Variants in GLIS3 observed in about 807,000 individuals in gnomAD.
The protein encoded by GLIS3 is GLIS family zinc finger 3.
A neutral mutation model predicts 78.6 loss-of-function variants in GLIS3; 53 were observed. The observed-to-expected ratio is 0.67, with a 90% confidence interval of 0.54 to 0.85. The LOEUF (loss-of-function observed/expected upper bound fraction) is 0.85, where lower values mean the gene tolerates loss of function less well. Among genes scored for constraint, GLIS3 ranks in the 40% least tolerant of loss-of-function variants. The probability of loss-of-function intolerance (pLI) is 0.00; values close to 1 mark genes in which losing one functional copy is unlikely to be tolerated. For synonymous variants in GLIS3, 684 were observed against 509.9 expected (o/e 1.34, Z -4.60); for missense variants, 1,703 against 1,231.1 (o/e 1.38, Z -5.74).
At chr9:4,416,812 GTTTTTT>G in the GLIS3 span, among the ~76,000 whole-genome samples, 1 of 95,822 alleles carries the variant, frequency 1.0e-5, no homozygotes, top group Non-Finnish European at 2.0e-5. Context: ...CCCATAGTCA[GTTTTTT>G]TTTTTTTTTT....
At chr9:4,437,912 C>T in the GLIS3 span, among the ~76,000 whole-genome samples, 3 of 152,120 alleles carry the variant, frequency 2.0e-5, no homozygotes, top group Non-Finnish European at 4.4e-5. Flanking sequence ...ATACATATAG[C>T]ATAGAAAATA....
the GLIS3 span, among the ~76,000 whole-genome samples, chr9:4,404,079 T>C: frequency 6.6e-6 from 1 of 152,098 alleles, no homozygotes; most frequent in Non-Finnish European, 1.5e-5. Flanking sequence ...GTAGCTATAC[T>C]TATGAGAAAA....
At chr9:4,298,664 A>T (rs1587361067) in intron 1 of GLIS3, among the ~76,000 whole-genome samples, 1 of 152,112 alleles carries the variant, frequency 6.6e-6, no homozygotes, top group Non-Finnish European at 1.5e-5. Flanking sequence ...CAGTGCTGAC[A>T]TTTTGTCGGG....
At chr9:4,321,236 C>G (rs1248967423) in intron 2 of GLIS3, among the ~76,000 whole-genome samples, 4 of 140,782 alleles carry the variant, frequency 2.8e-5, no homozygotes, top group Non-Finnish European at 1.5e-5. Flanking sequence ...CTGGCTAACA[C>G]GGTGAAACCC....
At chr9:4,246,677 C>T (rs976744618) in intron 2 of GLIS3, among the ~76,000 whole-genome samples, 5 of 152,126 alleles carry the variant, frequency 3.3e-5, no homozygotes, top group African/African-American at 9.7e-5. Flanking sequence ...TGAAATGGTG[C>T]TAAAGTTATA....
At chr9:3,905,148 C>CTTTT (rs35197736) in intron 6 of GLIS3, among the ~76,000 whole-genome samples, 1 of 136,206 alleles carries the variant, frequency 7.3e-6, no homozygotes, top group Non-Finnish European at 1.5e-5. Flanking sequence ...AAATTTTTTT[C>CTTTT]TTTTTTTTTT....
chr9:4,361,847 C>A, the GLIS3 span, among the ~76,000 whole-genome samples: 3 of 152,210 alleles, frequency 2.0e-5, no homozygotes, highest in Admixed American at 2.0e-4. Flanking sequence ...TAATTTGAAG[C>A]TCTTTCCCCA....
chr9:4,380,536 A>G, the GLIS3 span, among the ~76,000 whole-genome samples: 93 of 152,340 alleles, frequency 6.1e-4, 2 homozygotes, highest in East Asian at 0.016. Context: ...CTTTTGCATA[A>G]TCAGAATCAC....
intron 2 of GLIS3, among the ~76,000 whole-genome samples, chr9:4,338,768 A>G (rs1409998362): frequency 6.6e-6 from 1 of 152,166 alleles, no homozygotes; most frequent in East Asian, 1.9e-4. Context: ...AACCAAAAAT[A>G]TAGCCTCATA....
Position 4,075,363 on chromosome 9 carries a change from T to C in GLIS3, c.1710+42405A>G, listed in dbSNP as rs562313996. 2.4e-3 allele frequency among the ~76,000 whole-genome samples: 351 copies of C among 144,690 alleles called. 1 individual carries two copies. The highest frequency in any genetic ancestry group is 8.6e-3 in the African/African-American group (334 of 38,924). 94.9% of individuals were successfully genotyped at this position (144,690 alleles called of 152,430 possible). ...GTGGGCGGATGACAAGGTCAGGAGA[T>C]AGAGACCATCCTGGCTAACAAGGTG... On this transcript the variant is annotated intron_variant, in intron 4 of 10. Transcript: ENST00000381971.
chr9:4,094,881 T>G (rs1423210165), intron 4 of GLIS3, among the ~76,000 whole-genome samples: 1 of 150,300 alleles, frequency 6.7e-6, no homozygotes, highest in Non-Finnish European at 1.5e-5. Flanking sequence ...TGAAGTATTT[T>G]TAATTGCTTA....
At chr9:4,104,679 C>T (rs1830622603) in intron 4 of GLIS3, among the ~76,000 whole-genome samples, 1 of 152,208 alleles carries the variant, frequency 6.6e-6, no homozygotes, top group South Asian at 2.1e-4. Context: ...CCACTCCATC[C>T]ACCTTGGACT....
At chr9:3,962,091 A>G (rs903702805) in intron 4 of GLIS3, among the ~76,000 whole-genome samples, 2 of 152,090 alleles carry the variant, frequency 1.3e-5, no homozygotes, top group African/African-American at 4.8e-5. Context: ...GTGGTGGTGC[A>G]CACCTGTAGT....
At chr9:4,182,055 C>T (rs902216758) in intron 2 of GLIS3, among the ~76,000 whole-genome samples, 1 of 152,166 alleles carries the variant, frequency 6.6e-6, no homozygotes, top group African/African-American at 2.4e-5. Context: ...GCAAATGCAT[C>T]CATTCTTTAA....
At chr9:4,388,468 G>A in the GLIS3 span, among the ~76,000 whole-genome samples, 1 of 151,868 alleles carries the variant, frequency 6.6e-6, no homozygotes, top group Non-Finnish European at 1.5e-5. Context: ...CACGAGGTCA[G>A]GAGTTCGAGA....
At chr9:4,468,345 A>T in the GLIS3 span, among the ~76,000 whole-genome samples, 1 of 152,212 alleles carries the variant, frequency 6.6e-6, no homozygotes, top group East Asian at 1.9e-4. Flanking sequence ...AGATTCACCA[A>T]GGTTAAAATG....
chr9:3,891,323 T>C (rs1056355206), intron 7 of GLIS3, among the ~76,000 whole-genome samples: 6 of 152,192 alleles, frequency 3.9e-5, no homozygotes, highest in Admixed American at 6.5e-5. Context: ...AGAAGTGTCA[T>C]TTCCATTTAT....
At chr9:4,072,740 T>TG (rs1205303647) in intron 4 of GLIS3, among the ~76,000 whole-genome samples, 1 of 140,226 alleles carries the variant, frequency 7.1e-6, no homozygotes, top group Non-Finnish European at 1.5e-5. Flanking sequence ...TAAAGAGAAC[T>TG]GTTTTTTTTT....
chr9:4,205,732 T>C (rs1819816805), intron 2 of GLIS3, among the ~76,000 whole-genome samples: 1 of 152,114 alleles, frequency 6.6e-6, no homozygotes, highest in Non-Finnish European at 1.5e-5. Flanking sequence ...AGACAAGAAT[T>C]CTCCATGATT....
Sources: gnomAD v4.1 joint callset for allele counts (sites outside exome capture counted in the v4.1 genomes callset) on GRCh38, gnomAD v4.1.1 for gene constraint, MANE v1.5 for transcripts, NCBI Gene and HGNC (gene_info 2026-07-23, HGNC 2026-07-21) for gene names.